The following RAD18 variants were observed in gnomAD, a reference collection of about 807,000 sequenced individuals.
RAD18 encodes the protein E3 ubiquitin-protein ligase RAD18.
Under a neutral mutation model 60.4 loss-of-function variants are expected in RAD18, and 47 were observed. The observed-to-expected ratio is 0.78, with a 90% CI of 0.62 to 0.99. The LOEUF (loss-of-function observed/expected upper bound fraction) is 0.99. RAD18 is among the 50% of genes least tolerant of loss of function. The pLI is 0.00. For synonymous variants in RAD18, 225 were observed against 195.5 expected, an observed-to-expected ratio of 1.15 and a Z score of -1.26; for missense variants, 640 against 593.3, an observed-to-expected ratio of 1.08 and a Z score of -0.82.
intron 2 of RAD18, among the ~76,000 whole-genome samples, chr3:8,952,028 C>T (rs1221600034): frequency 6.6e-6 from 1 of 151,854 alleles, no homozygotes; most frequent in Non-Finnish European, 1.5e-5. Flanking sequence ...TAATTTAAAC[C>T]TAATTATCTC....
intron 2 of RAD18, among the ~76,000 whole-genome samples, chr3:8,953,481 A>C (rs2124842769): frequency 6.6e-6 from 1 of 152,286 alleles, no homozygotes. Context: ...ATGTACTGGT[A>C]AGCTGCAGAC....
At chr3:8,889,206 T>C (rs1431393075) in intron 12 of RAD18, among the ~76,000 whole-genome samples, 1 of 152,168 alleles carries the variant, frequency 6.6e-6, no homozygotes, top group Non-Finnish European at 1.5e-5. Flanking sequence ...TTTGGAAAGA[T>C]AGTAGAGTTT....
intron 7 of RAD18, among the ~76,000 whole-genome samples, chr3:8,932,953 G>C (rs572959473): frequency 6.6e-6 from 1 of 151,872 alleles, no homozygotes; most frequent in Non-Finnish European, 1.5e-5. Context: ...AAAATTAGCC[G>C]GGCGTGCTGG....
chr3:8,937,912 G>A (rs956284083), intron 6 of RAD18, among the ~76,000 whole-genome samples: 4 of 152,108 alleles, frequency 2.6e-5, no homozygotes, highest in East Asian at 1.9e-4. Flanking sequence ...ACACATGGAC[G>A]AGTATGTCTT....
intron 3 of RAD18, 45 bp from the exon 4 acceptor site, chr3:8,947,335 T>C: frequency 6.9e-7 from 1 of 1,439,556 alleles, no homozygotes; most frequent in Middle Eastern, 1.7e-4. Context: ...AAAACAATAA[T>C]CAACTTGTCA....
At chr3:8,955,927 A>T (rs931323017) in intron 2 of RAD18, among the ~76,000 whole-genome samples, 1 of 152,226 alleles carries the variant, frequency 6.6e-6, no homozygotes, top group Non-Finnish European at 1.5e-5. Flanking sequence ...GTAGTACTGA[A>T]TCCTATTTAT....
At chr3:8,898,777 G>T (rs926746338) in intron 11 of RAD18, 117 bp downstream of exon 11, 2 of 896,212 alleles carry the variant, frequency 2.2e-6, no homozygotes, top group South Asian at 2.2e-5. Context: ...GGACTGAAAT[G>T]TAAGAGTGAC....
At chr3:8,900,852 C>T (rs1386623780) in intron 10 of RAD18, among the ~76,000 whole-genome samples, 1 of 152,162 alleles carries the variant, frequency 6.6e-6, no homozygotes, top group East Asian at 1.9e-4. Context: ...CAGCAATCAC[C>T]TCTGAACCCC....
chr3:8,938,168 C>T (rs187292854), intron 6 of RAD18, among the ~76,000 whole-genome samples: 1 of 152,232 alleles, frequency 6.6e-6, no homozygotes, highest in Admixed American at 6.5e-5. Flanking sequence ...CACTAAGCAA[C>T]CTAAAAATCT....
At chr3:8,961,342 T>C (rs150207486) in intron 1 of RAD18, among the ~76,000 whole-genome samples, 143 of 152,252 alleles carry the variant, frequency 9.4e-4, no homozygotes, top group African/African-American at 3.2e-3. Context: ...AAGGGAGAAG[T>C]AGAAAATGGG....
intron 2 of RAD18, among the ~76,000 whole-genome samples, chr3:8,954,565 T>C (rs1456018649): frequency 6.6e-6 from 1 of 152,198 alleles, no homozygotes; most frequent in Non-Finnish European, 1.5e-5. Context: ...TACTCTTTAA[T>C]AGCACAAATT....
rs557271271 is a variant in RAD18, at chr3:8,912,934, G to A, written c.967-562C>T. ...TACAGTTAGCACACAGGTAATAATAGGGTCAATGTAAATCCCATTTTTTTC... is the reference window on the plus strand; with the variant it reads ...TACAGTTAGCACACAGGTAATAATAAGGTCAATGTAAATCCCATTTTTTTC... On this transcript the variant is annotated intron_variant, in intron 8 of 12. Coordinates refer to ENST00000264926, the MANE Select transcript of RAD18 (RefSeq NM_020165.4). Among the ~76,000 whole-genome samples, 3 of 152,194 alleles carry A rather than the reference G, an allele frequency of 2.0e-5. No individual in the cohort carries two copies. The East Asian group carries it at 5.8e-4, about 29-fold the overall frequency.
At chr3:8,930,030 T>A (rs1228348090) in intron 7 of RAD18, among the ~76,000 whole-genome samples, 1 of 152,300 alleles carries the variant, frequency 6.6e-6, no homozygotes, top group East Asian at 1.9e-4. Context: ...CTCAAAATGT[T>A]AAAATAGAAT....
In RAD18 at chr3:8,948,629, T is replaced by C. The variant is rs536419819; in HGVS notation, c.134-59A>G. On this transcript the variant is annotated intron_variant, in intron 2 of 12. Transcript: ENST00000264926. ...AAGCTATATTAATAATACAGGAATATGACTTCTAACAAAATCTTAAGCCCT... is the reference window on the plus strand; with the variant it reads ...AAGCTATATTAATAATACAGGAATACGACTTCTAACAAAATCTTAAGCCCT... The C allele has an allele frequency of 1.8e-4, 259 of 1,409,924 alleles. 3 individuals are homozygous for C. The South Asian group carries it at 3.0e-3, about 16-fold the overall frequency. The allele number at this position is 1,409,924 out of a possible 1,614,324, so 87.3% of individuals were successfully genotyped here. A position where few individuals can be genotyped will look rare whatever the true frequency, so the allele number is the denominator to read the frequency against.
intron 1 of RAD18, among the ~76,000 whole-genome samples, chr3:8,959,892 A>G (rs1165131086): frequency 6.6e-6 from 1 of 151,946 alleles, no homozygotes; most frequent in Non-Finnish European, 1.5e-5. Flanking sequence ...AAAAAAAAAA[A>G]AAAAAGAGGA....
intron 9 of RAD18, among the ~76,000 whole-genome samples, chr3:8,908,699 C>T (rs574220577): frequency 1.1e-4 from 17 of 152,256 alleles, no homozygotes; most frequent in South Asian, 8.3e-4. Context: ...AATAAAAACA[C>T]ATAATTAGAA....
intron 12 of RAD18, chr3:8,890,185 A>G (rs756876952): frequency 3.8e-4 from 213 of 560,336 alleles, no homozygotes; most frequent in Non-Finnish European, 3.2e-4. Flanking sequence ...CATCTGATAC[A>G]TAACTACAGT....
intron 6 of RAD18, among the ~76,000 whole-genome samples, chr3:8,938,885 T>C (rs1346009838): frequency 6.6e-6 from 1 of 152,198 alleles, no homozygotes; most frequent in East Asian, 1.9e-4. Flanking sequence ...TGACTAGTAT[T>C]TCATTCCTGA....
intron 12 of RAD18, among the ~76,000 whole-genome samples, chr3:8,884,835 C>T (rs887444750): frequency 2.5e-4 from 38 of 152,282 alleles, no homozygotes; most frequent in Admixed American, 1.7e-3. Context: ...ATAACCCAGC[C>T]CACATTTTTT....
Sources: gnomAD v4.1 joint callset for allele counts (sites outside exome capture counted in the v4.1 genomes callset) on GRCh38, gnomAD v4.1.1 for gene constraint, MANE v1.5 for transcripts, NCBI Gene and HGNC (gene_info 2026-07-23, HGNC 2026-07-21) for gene names.